The following LFNG variants were observed in gnomAD, a reference collection of about 807,000 sequenced individuals.
LFNG encodes LFNG O-fucosylpeptide 3-beta-N-acetylglucosaminyltransferase.
LFNG carries 15 observed loss-of-function variants against 32.7 expected under a neutral mutation model. The observed-to-expected ratio is 0.46, with a 90% confidence interval of 0.31 to 0.71. The LOEUF is 0.71. Among genes scored for constraint, LFNG ranks in the 30% least tolerant of loss-of-function variants. The pLI is 0.06. For missense variants in LFNG, 520 were observed against 545.7 expected, an observed-to-expected ratio of 0.95 and a Z score of 0.47; for synonymous variants, 274 against 246.8, an observed-to-expected ratio of 1.11 and a Z score of -1.03.
Position 2,526,781 on chromosome 7 carries a change from G to C in LFNG, c.988-55G>C. Reference sequence around the variant, plus strand: ...CTCAGGGCTGTGTGGCCAGCCTGGGGCGGGGCCCAGGGATGTCGGGCCCCT... The same window carrying C: ...CTCAGGGCTGTGTGGCCAGCCTGGGCCGGGGCCCAGGGATGTCGGGCCCCT... On this transcript the variant is annotated intron_variant, in intron 6 of 7. Coordinates refer to ENST00000222725, the MANE Select transcript of LFNG (RefSeq NM_001040167.2). This position sits in a 1 kb window ranked among gnomAD's most constrained non-coding sequence, Gnocchi z 6.9. 1 of 1,549,846 alleles carries C rather than the reference G, an allele frequency of 6.5e-7. No homozygotes were observed. The highest frequency in any genetic ancestry group is 8.9e-7 in the Non-Finnish European group (1 of 1,124,832).
At chr7:2,518,140 T>C (rs1330914389), upstream of LFNG, among the ~76,000 whole-genome samples, 2 of 152,138 alleles carry the variant, frequency 1.3e-5, no homozygotes, top group Non-Finnish European at 2.9e-5. Context: ...CTCAGCTGAC[T>C]TTGTGGGGGC....
chr7:2,520,173 C>A lies in LFNG; in HGVS notation c.312C>A (p.Arg104=), dbSNP rs552455490. 1.3e-6 allele frequency: 2 copies of A among 1,551,648 alleles called. No individual in the cohort carries two copies. Residue 104 remains arginine, a synonymous_variant, in exon 1 of 8, where the codon CGC becomes CGA. Transcript: ENST00000222725. This position sits in a 1 kb window ranked among gnomAD's most constrained non-coding sequence, Gnocchi z 5.0. The part of the protein sequence containing the change: ...AAPRPADGHP[R]PLAEPLAPRD... ...CCCGCCCCGCCGACGGCCACCCGCGCCCCCTGGCCGAGCCGCTCGCGCCCC... is the reference window on the plus strand; with the variant it reads ...CCCGCCCCGCCGACGGCCACCCGCGACCCCTGGCCGAGCCGCTCGCGCCCC...
chr7:2,516,143 G>A (rs1239009577), upstream of LFNG, among the ~76,000 whole-genome samples: 2 of 152,244 alleles, frequency 1.3e-5, no homozygotes, highest in African/African-American at 4.8e-5. Flanking sequence ...GGAGAGGACA[G>A]GGAGGTGCAG....
chr7:2,526,326 G>C lies in LFNG; in HGVS notation c.904G>C (p.Gly302Arg). ...TIGYIVEALL[G>R]VPLIRSGLFH... ...CGGCTACATCGTGGAGGCCCTGCTG[G>C]GTGTGCCCCTCATCCGCAGCGGCCT... is the stretch of plus-strand genomic sequence containing the variant. Residue 302 changes from glycine to arginine, a missense_variant, in exon 6 of 8, where the codon GGT becomes CGT. Physicochemically the swap from Gly to Arg is moderately radical, Grantham distance 125. Around this residue, in one of 3 missense-constraint regions of LFNG, gnomAD observed 150 missense variants for 159.9 expected, o/e 0.94. Coordinates refer to ENST00000222725, the MANE Select transcript of LFNG (RefSeq NM_001040167.2). This position sits in a 1 kb window ranked among gnomAD's most constrained non-coding sequence, Gnocchi z 6.9. 6.2e-7 allele frequency: 1 copy of C among 1,612,790 alleles called. No homozygotes were observed. The highest frequency in any genetic ancestry group is 2.2e-5 in the East Asian group (1 of 44,872).
At chr7:2,515,092 ATCCG>A (rs1454345142), upstream of LFNG, among the ~76,000 whole-genome samples, 1,860 of 149,174 alleles carry the variant, frequency 0.012, 49 homozygotes, top group African/African-American at 0.043. Flanking sequence ...CCATCCATCC[ATCCG>A]TCTGTCTGTC....
At position 2,527,292 on chromosome 7, in the gene LFNG, G is replaced by T; in HGVS notation, c.*80G>T. 2 of 1,574,368 alleles carry T rather than the reference G, an allele frequency of 1.3e-6. No individual in the cohort carries two copies. The highest frequency in any genetic ancestry group is 1.7e-6 in the Non-Finnish European group (2 of 1,166,990). On this transcript the variant is annotated 3_prime_UTR_variant, in exon 8 of 8. Coordinates refer to ENST00000222725, the MANE Select transcript of LFNG (RefSeq NM_001040167.2). This position sits in a 1 kb window ranked among gnomAD's most constrained non-coding sequence, Gnocchi z 4.4. ...GACCCTGTTGCGCTGCCCTGGCCTCGGCATTCGAGGCTCCCCTAGGGCCGT... is the reference window on the plus strand; with the variant it reads ...GACCCTGTTGCGCTGCCCTGGCCTCTGCATTCGAGGCTCCCCTAGGGCCGT...
At position 2,526,089 on chromosome 7, in the gene LFNG, C is replaced by T. The variant is rs536294167; in HGVS notation, c.822-155C>T. 7.8e-4 allele frequency among the ~76,000 whole-genome samples: 119 copies of T among 152,192 alleles called. No homozygotes were observed. The highest frequency in any genetic ancestry group is 1.4e-3 in the Non-Finnish European group (93 of 67,934). On this transcript the variant is annotated intron_variant, in intron 5 of 7. Transcript: ENST00000222725. This position sits in a 1 kb window ranked among gnomAD's most constrained non-coding sequence, Gnocchi z 6.9. Reference sequence around the variant, plus strand: ...GAGCTGTGCAGGGAGTGTGCCCTGGCTGTGGCCAGGGGAGGCAGAGGGAGC... The same window carrying T: ...GAGCTGTGCAGGGAGTGTGCCCTGGTTGTGGCCAGGGGAGGCAGAGGGAGC...
upstream of LFNG, chr7:2,518,539 C>T (rs369350794): frequency 3.0e-5 from 40 of 1,325,672 alleles, 1 homozygote; most frequent in African/African-American, 1.7e-4. Context: ...GTCCCAAAAC[C>T]TGTTCCAGGT....
At chr7:2,517,447 C>T (rs1305266600), upstream of LFNG, among the ~76,000 whole-genome samples, 1 of 152,236 alleles carries the variant, frequency 6.6e-6, no homozygotes, top group African/African-American at 2.4e-5. Flanking sequence ...GCTGGGCCAT[C>T]CACCTCTGTA....
At chr7:2,528,815 T>C (rs1780074035), downstream of LFNG, 10 of 634,578 alleles carry the variant, frequency 1.6e-5, 1 homozygote, top group South Asian at 1.6e-4. Flanking sequence ...GGGGCCTCCT[T>C]ATCCAACTTC....
chr7:2,525,853 A>G lies in LFNG; in HGVS notation c.821+83A>G, dbSNP rs994049880. On this transcript the variant is annotated intron_variant, in intron 5 of 7. Transcript: ENST00000222725. ...CCTGGCTTAGTTCATCTTCCCAGCC[A>G]TGGGGTGTCCCCAGCCTCCTGTGTG... The G allele has an allele frequency of 8.2e-6, 10 of 1,218,966 alleles. No individual in the cohort carries two copies. The African/African-American group carries it at 1.3e-4, about 16-fold the overall frequency. 75.5% of individuals were successfully genotyped at this position (1,218,966 alleles called of 1,614,324 possible). A position where few individuals can be genotyped will look rare whatever the true frequency, so the allele number is the denominator to read the frequency against.
chr7:2,517,732 T>G, upstream of LFNG: 19 of 519,948 alleles, frequency 3.7e-5, no homozygotes, highest in Non-Finnish European at 6.3e-5. Context: ...CCCGTGCACA[T>G]ATTTGGGGGC....
Position 2,520,031 on chromosome 7 carries a change from T to TGGG in LFNG, c.173_175dup (p.Gly58dup). 9.6e-7 allele frequency: 1 copy of TGGG among 1,038,990 alleles called. No individual in the cohort carries two copies. The highest frequency in any genetic ancestry group is 1.2e-6 in the Non-Finnish European group (1 of 869,434). The allele number at this position is 1,038,990 out of a possible 1,614,324, so 64.4% of individuals were successfully genotyped here. A position where few individuals can be genotyped will look rare whatever the true frequency, so the allele number is the denominator to read the frequency against. ...GCGGGGGCTGCCCCGGCGCCCGGGC[T>TGGG]GGGGGCGGCGGCGGCGGCGCCCGGG... On this transcript the variant is annotated inframe_insertion, in exon 1 of 8. Coordinates refer to ENST00000222725, the MANE Select transcript of LFNG (RefSeq NM_001040167.2). This position sits in a 1 kb window ranked among gnomAD's most constrained non-coding sequence, Gnocchi z 5.0.
chr7:2,513,443 C>G, upstream of LFNG: 1 of 1,210,170 alleles, frequency 8.3e-7, no homozygotes, highest in South Asian at 1.7e-5. Context: ...GAAAGATGGC[C>G]CATGGTAGCG....
At chr7:2,528,580 C>G (rs575846319), downstream of LFNG, among the ~76,000 whole-genome samples, 24 of 152,254 alleles carry the variant, frequency 1.6e-4, no homozygotes, top group African/African-American at 5.8e-4. Context: ...TATTTTGGAA[C>G]GAAACCTGGC....
chr7:2,524,641 G>A, intron 1 of LFNG, 54 bp from the exon 2 acceptor site: 1 of 1,536,992 alleles, frequency 6.5e-7, no homozygotes, highest in Non-Finnish European at 8.8e-7. Flanking sequence ...CCCACAGATG[G>A]CCCTGGGGTG....
Position 2,525,513 on chromosome 7 carries a change from G to GCC in LFNG, c.683_684dup (p.Ser229ProfsTer40). The stretch of plus-strand genomic sequence containing the variant: ...ACACGCGGGACGTCTACGTCGGCAA[G>GCC]CCCAGCCTGGACAGGCCCATCCAGG... On this transcript the variant is annotated frameshift_variant, in exon 4 of 8. Transcript: ENST00000222725. LOFTEE classifies it high-confidence loss of function. 6.2e-7 allele frequency: 1 copy of GCC among 1,612,292 alleles called. No individual in the cohort carries two copies. The highest frequency in any genetic ancestry group is 8.5e-7 in the Non-Finnish European group (1 of 1,179,844).
At chr7:2,513,446 T>G (rs963802343), upstream of LFNG, 3 of 1,168,692 alleles carry the variant, frequency 2.6e-6, no homozygotes, top group African/African-American at 1.5e-5. Flanking sequence ...AGATGGCCCA[T>G]GGTAGCGATG....
chr7:2,518,527 A>G (rs1318278647), upstream of LFNG: 2 of 1,154,236 alleles, frequency 1.7e-6, no homozygotes, highest in East Asian at 2.3e-5. Context: ...AGCACCTACT[A>G]TGTCCCAAAA....
Sources: gnomAD v4.1 joint callset for allele counts (sites outside exome capture counted in the v4.1 genomes callset) on GRCh38, gnomAD v4.1.1 for gene constraint, gnomAD v4.1.1 regional missense constraint, Gnocchi (gnomAD v3.1) non-coding constraint, MANE v1.5 for transcripts, NCBI Gene and HGNC (gene_info 2026-07-23, HGNC 2026-07-21) for gene names.